FGD6: variants seen among roughly 807,000 people sequenced by gnomAD.
FGD6 encodes FYVE, RhoGEF and PH domain-containing protein 6.
A neutral mutation model predicts 149.4 loss-of-function variants in FGD6; 90 were observed. The observed-to-expected ratio is 0.60, with a 90% CI of 0.51 to 0.72. FGD6 has a LOEUF of 0.72. Ranked by LOEUF, FGD6 falls within the 30% of genes least tolerant of loss-of-function variation. The pLI, the probability that FGD6 is intolerant of heterozygous loss-of-function variation, is 0.00. For synonymous variants in FGD6, 527 were observed against 584.0 expected (o/e 0.90, Z 1.41); for missense variants, 1,437 against 1,684.8 (o/e 0.85, Z 2.57).
At chr12:95,208,387 G>C (rs991128425) in intron 2 of FGD6, among the ~76,000 whole-genome samples, 1 of 152,110 alleles carries the variant, frequency 6.6e-6, no homozygotes, top group Non-Finnish European at 1.5e-5. Context: ...AATCTTCAAA[G>C]AGTGGTGAAC....
intron 2 of FGD6, among the ~76,000 whole-genome samples, chr12:95,188,161 GA>G (rs35366772): frequency 0.62 from 94,765 of 151,912 alleles, 29,722 homozygotes; most frequent in Admixed American, 0.66. Context: ...ATAAAGCAAA[GA>G]GTCCTATTTC....
chr12:95,187,668 A>C (rs1003510757), intron 2 of FGD6, among the ~76,000 whole-genome samples: 7 of 151,870 alleles, frequency 4.6e-5, no homozygotes, highest in Admixed American at 2.0e-4. Flanking sequence ...AAAAACAAAA[A>C]AAAAAAAGTG....
intron 14 of FGD6, among the ~76,000 whole-genome samples, chr12:95,099,690 C>G (rs1372946618): frequency 6.6e-6 from 1 of 152,142 alleles, no homozygotes; most frequent in Non-Finnish European, 1.5e-5. Context: ...CACTCACTAC[C>G]TGGCTGCCCA....
At chr12:95,205,457 T>C (rs993947819) in intron 2 of FGD6, among the ~76,000 whole-genome samples, 1 of 152,210 alleles carries the variant, frequency 6.6e-6, no homozygotes, top group Non-Finnish European at 1.5e-5. Context: ...CTTTCTTCCC[T>C]GAAGGTTGAG....
intron 5 of FGD6, among the ~76,000 whole-genome samples, chr12:95,151,051 C>A (rs1880295789): frequency 6.6e-6 from 1 of 151,636 alleles, no homozygotes; most frequent in Admixed American, 6.6e-5. Context: ...GGAAATCATG[C>A]CACCGCACTC....
chr12:95,191,217 G>T (rs1032059098), intron 2 of FGD6, among the ~76,000 whole-genome samples: 2 of 152,208 alleles, frequency 1.3e-5, no homozygotes, highest in African/African-American at 4.8e-5. Flanking sequence ...CAGGTTTGGT[G>T]AGAGGACTGG....
chr12:95,089,514 A>T, intron 18 of FGD6, 55 bp downstream of exon 18: 1 of 1,580,766 alleles, frequency 6.3e-7, no homozygotes, highest in South Asian at 1.2e-5. Flanking sequence ...GGTGTATTAT[A>T]TGCATATGAA....
At chr12:95,092,624 G>A in intron 16 of FGD6, 75 bp downstream of exon 16, 1 of 1,446,740 alleles carries the variant, frequency 6.9e-7, no homozygotes, top group Non-Finnish European at 9.4e-7. Flanking sequence ...TTTATGAGGG[G>A]AAATATGCTT....
In FGD6 at chr12:95,208,849, T is replaced by C. The variant is rs768225589; in HGVS notation, c.2435A>G (p.His812Arg). ...TCTGTCTGGCACCTGTTACCTGGAA[T>C]GCTGATGTCTGGGTCCAAGCTGCAG... Reference protein sequence around the residue: ...GQLQLGPRHQHSSSGASQEEQ... With the variant: ...GQLQLGPRHQRSSSGASQEEQ... The change falls in exon 2 of 21, where the codon CAT (histidine) becomes CGT (arginine). Residue 812 changes from histidine to arginine, a missense_variant. Transcript: ENST00000343958. 4 of 1,611,152 alleles carry C rather than the reference T, an allele frequency of 2.5e-6. No individual in the cohort carries two copies. The highest frequency in any genetic ancestry group is 1.1e-5 in the South Asian group (1 of 90,790).
intron 15 of FGD6, among the ~76,000 whole-genome samples, chr12:95,093,951 G>C (rs927496799): frequency 2.1e-4 from 32 of 151,962 alleles, no homozygotes; most frequent in African/African-American, 7.5e-4. Flanking sequence ...CCAGAGGTCA[G>C]GAGTTTGAGA....
intron 2 of FGD6, among the ~76,000 whole-genome samples, chr12:95,205,089 G>A (rs755155247): frequency 2.0e-5 from 3 of 152,022 alleles, no homozygotes; most frequent in Admixed American, 6.6e-5. Flanking sequence ...GCAACAAGGT[G>A]AAACCCCATC....
chr12:95,140,764 C>A (rs1247231199), intron 6 of FGD6, among the ~76,000 whole-genome samples: 1 of 152,178 alleles, frequency 6.6e-6, no homozygotes, highest in African/African-American at 2.4e-5. Context: ...GTGAATATAG[C>A]ATATAGCATC....
At chr12:95,183,951 T>C (rs745382859) in intron 2 of FGD6, among the ~76,000 whole-genome samples, 22 of 152,190 alleles carry the variant, frequency 1.4e-4, no homozygotes, top group Non-Finnish European at 2.6e-4. Context: ...AGAAATTACA[T>C]TGAGAGGTGT....
At chr12:95,151,835 T>G (rs1479333782) in intron 5 of FGD6, among the ~76,000 whole-genome samples, 4 of 152,208 alleles carry the variant, frequency 2.6e-5, no homozygotes, top group Non-Finnish European at 5.9e-5. Context: ...TTCATCTACC[T>G]TTTCCTTTTG....
At chr12:95,172,549 C>A in intron 3 of FGD6, 51 bp downstream of exon 3, 1 of 1,463,614 alleles carries the variant, frequency 6.8e-7, no homozygotes, top group East Asian at 2.4e-5. Flanking sequence ...AGACAAATAT[C>A]ATTCCCAAGC....
chr12:95,086,548 T>C (rs986720382), intron 18 of FGD6, among the ~76,000 whole-genome samples: 3 of 140,986 alleles, frequency 2.1e-5, no homozygotes, highest in African/African-American at 8.1e-5. Flanking sequence ...TTTTTTTTTT[T>C]TTTTTTTTTG....
chr12:95,172,708 A>C lies in FGD6; in HGVS notation c.2478T>G (p.Gly826=). ...GASQEEQNDL[G]LGDLPSDEEE... is the part of the protein sequence containing the mutation. Reference sequence around the variant, plus strand: ...CCTCATCAGAGGGAAGGTCACCAAGACCAAGATCATTCTGTTCCTCCTGGG... The same window carrying C: ...CCTCATCAGAGGGAAGGTCACCAAGCCCAAGATCATTCTGTTCCTCCTGGG... The change falls in exon 3 of 21, where the codon GGT becomes GGG. Residue 826 remains glycine (G), a synonymous_variant. Coordinates refer to ENST00000343958, the MANE Select transcript of FGD6 (RefSeq NM_018351.4). 3 of 1,613,104 alleles carry C rather than the reference A, an allele frequency of 1.9e-6. No individual in the cohort carries two copies. Among genetic ancestry groups the C allele is most frequent in the Middle Eastern group, 1.7e-4 (1 of 6,050 alleles).
intron 8 of FGD6, among the ~76,000 whole-genome samples, chr12:95,121,165 T>C (rs10735328): frequency 0.63 from 95,517 of 151,760 alleles, 30,325 homozygotes; most frequent in East Asian, 0.68. Flanking sequence ...ACAGGCTGGC[T>C]GCTGTGGCTC....
chr12:95,087,181 T>C (rs1248834874), intron 18 of FGD6, among the ~76,000 whole-genome samples: 1 of 151,922 alleles, frequency 6.6e-6, no homozygotes, highest in Admixed American at 6.6e-5. Flanking sequence ...AATGTAGGAG[T>C]AGATAAATAA....
Sources: gnomAD v4.1 joint callset for allele counts (sites outside exome capture counted in the v4.1 genomes callset) on GRCh38, gnomAD v4.1.1 for gene constraint, MANE v1.5 for transcripts, NCBI Gene and HGNC (gene_info 2026-07-23, HGNC 2026-07-21) for gene names.